The following NIBAN1 variants were observed in gnomAD, a reference collection of about 807,000 sequenced individuals.
The protein encoded by NIBAN1 is niban apoptosis regulator 1.
Under a neutral mutation model 75.1 loss-of-function variants are expected in NIBAN1, and 81 were observed. The ratio of observed to expected loss-of-function variants is 1.08; its 90% CI spans 0.90 to 1.30. The LOEUF (loss-of-function observed/expected upper bound fraction) is 1.30. NIBAN1 is among the 50% of genes most tolerant of loss of function. NIBAN1 has a pLI of 0.00. For synonymous variants in NIBAN1, 436 were observed against 424.8 expected (o/e 1.03, Z -0.32); for missense variants, 1,133 against 1,128.1 (o/e 1.00, Z -0.06).
intron 11 of NIBAN1, among the ~76,000 whole-genome samples, chr1:184,805,469 C>T (rs1274862993): frequency 6.6e-6 from 1 of 152,198 alleles, no homozygotes; most frequent in Non-Finnish European, 1.5e-5. Context: ...TTAATAAACA[C>T]TCTGAAGTAC....
rs971176668 is a variant in NIBAN1 at position 184,859,203 on chromosome 1, AAT to A, written c.601+25428_601+25429del. On this transcript the variant is annotated intron_variant, in intron 5 of 13. Coordinates refer to ENST00000367511, the MANE Select transcript of NIBAN1 (RefSeq NM_052966.4). ...ATGTGCGGTTTTAAATAAATAAATA[AAT>A]ATATATATATGAGGTTTTAAAATAA... Among the ~76,000 whole-genome samples, 4 of 151,794 alleles carry A rather than the reference AAT, an allele frequency of 2.6e-5. No homozygotes were observed. In the South Asian group the frequency reaches 6.2e-4, roughly 24 times the overall value.
chr1:184,797,383 C>A (rs1183332082), intron 13 of NIBAN1, among the ~76,000 whole-genome samples: 3 of 151,992 alleles, frequency 2.0e-5, no homozygotes, highest in Non-Finnish European at 4.4e-5. Context: ...CTCAAGTGAT[C>A]TGCCCATCTT....
rs918290151 is a variant in NIBAN1 at position 184,801,634 on chromosome 1, T to A, written c.1554+1951A>T. Among the ~76,000 whole-genome samples the A allele has an allele frequency of 2.0e-5, 3 of 152,206 alleles. 1 individual carries two copies. The highest frequency in any genetic ancestry group is 7.2e-5 in the African/African-American group (3 of 41,452). ...CAGAGTTTGGCACTTTCCTTGGAAC[T>A]CTTCCCCATGAGGCAACTGCTGTGT... On this transcript the variant is annotated intron_variant, in intron 12 of 13. Coordinates refer to ENST00000367511, the MANE Select transcript of NIBAN1 (RefSeq NM_052966.4).
intron 1 of NIBAN1, among the ~76,000 whole-genome samples, chr1:184,906,321 A>AT (rs1657103216): frequency 2.0e-5 from 3 of 151,834 alleles, no homozygotes; most frequent in African/African-American, 7.3e-5. Context: ...AATTCAATTC[A>AT]TATCTGTTTA....
chr1:184,880,680 A>G (rs1656355004), intron 5 of NIBAN1, among the ~76,000 whole-genome samples: 1 of 152,224 alleles, frequency 6.6e-6, no homozygotes, highest in African/African-American at 2.4e-5. Context: ...ATCGATAATG[A>G]TCATTATTCC....
At chr1:184,966,352 G>T (rs977642679) in intron 1 of NIBAN1, among the ~76,000 whole-genome samples, 3 of 152,168 alleles carry the variant, frequency 2.0e-5, no homozygotes, top group Non-Finnish European at 4.4e-5. Context: ...CTATTGGAGA[G>T]GTCATGTAGA....
Position 184,795,474 on chromosome 1 carries a change from C to T in NIBAN1, c.2290G>A (p.Glu764Lys). The change falls in exon 14 of 14, where the codon GAA (glutamate) becomes AAA (lysine). Residue 764 changes from glutamate (E) to lysine (K), a missense_variant. Transcript: ENST00000367511. ...QAAAIHPDNC[E>K]ESEVSEREAQ... is the part of the protein sequence containing the mutation. ...TCCCTCTCGCTGACTTCACTTTCTTCACAGTTGTCGGGGTGGATGGCAGCT... is the reference window on the plus strand; with the variant it reads ...TCCCTCTCGCTGACTTCACTTTCTTTACAGTTGTCGGGGTGGATGGCAGCT... 1.2e-6 allele frequency: 2 copies of T among 1,611,394 alleles called. No homozygotes were observed. The highest frequency in any genetic ancestry group is 1.7e-6 in the Non-Finnish European group (2 of 1,178,926).
chr1:184,797,543 C>G (rs553192774), intron 13 of NIBAN1, among the ~76,000 whole-genome samples: 6 of 151,752 alleles, frequency 4.0e-5, no homozygotes, highest in African/African-American at 1.5e-4. Context: ...CCGAGACTTG[C>G]GTGGCACTGC....
At chr1:184,920,526 C>T (rs1161014373) in intron 1 of NIBAN1, among the ~76,000 whole-genome samples, 1 of 152,170 alleles carries the variant, frequency 6.6e-6, no homozygotes, top group Non-Finnish European at 1.5e-5. Context: ...TAACCAACCT[C>T]TCCCTATTCC....
chr1:184,947,054 C>T lies in NIBAN1; in HGVS notation c.55+27248G>A, dbSNP rs1324372864. ...CGCCATTGCACTCCAGCCTGGGCAA[C>T]AAGAGCAAAACTCCATCTCAAAAAG... On this transcript the variant is annotated intron_variant, in intron 1 of 13. Coordinates refer to ENST00000367511, the MANE Select transcript of NIBAN1 (RefSeq NM_052966.4). Among the ~76,000 whole-genome samples, 3 of 101,258 alleles carry T rather than the reference C, an allele frequency of 3.0e-5. No individual in the cohort carries two copies. The East Asian group carries it at 8.5e-4, about 29-fold the overall frequency. The allele number at this position is 101,258 out of a possible 152,430, so 66.4% of individuals were successfully genotyped here.
chr1:184,916,261 G>A (rs1017323117), intron 1 of NIBAN1, among the ~76,000 whole-genome samples: 3 of 152,098 alleles, frequency 2.0e-5, no homozygotes, highest in Non-Finnish European at 2.9e-5. Flanking sequence ...CAGAGATATC[G>A]ATGTAGGGGA....
At chr1:184,836,787 G>A (rs1367237677) in intron 5 of NIBAN1, among the ~76,000 whole-genome samples, 2 of 152,166 alleles carry the variant, frequency 1.3e-5, no homozygotes, top group African/African-American at 4.8e-5. Context: ...ACTTAAACTA[G>A]ATTTTAAATA....
chr1:184,877,414 C>T (rs558656531), intron 5 of NIBAN1, among the ~76,000 whole-genome samples: 1 of 151,920 alleles, frequency 6.6e-6, no homozygotes, highest in East Asian at 1.9e-4. Flanking sequence ...TCAGAGGTAA[C>T]GATAACGTTC....
Position 184,857,862 on chromosome 1 carries a change from A to T in NIBAN1, c.602-25900T>A, listed in dbSNP as rs541706222. Among the ~76,000 whole-genome samples, 4 of 152,236 alleles carry T rather than the reference A, an allele frequency of 2.6e-5. No homozygotes were observed. The East Asian group carries it at 7.7e-4, about 29-fold the overall frequency. On this transcript the variant is annotated intron_variant, in intron 5 of 13. Transcript: ENST00000367511. ...AACTGATTTTCCATTTAAAGGGAAAATGTTAGACCACTCATATACATCATA... is the reference window on the plus strand; with the variant it reads ...AACTGATTTTCCATTTAAAGGGAAATTGTTAGACCACTCATATACATCATA...
At chr1:184,884,994 C>T (rs1335813223) in intron 4 of NIBAN1, among the ~76,000 whole-genome samples, 194 bp from the exon 5 acceptor site, 4 of 152,186 alleles carry the variant, frequency 2.6e-5, no homozygotes, top group Non-Finnish European at 5.9e-5. Flanking sequence ...TGTCCCACTG[C>T]GGTCTGCCTG....
intron 5 of NIBAN1, among the ~76,000 whole-genome samples, chr1:184,869,511 A>G (rs890961177): frequency 2.0e-5 from 3 of 151,478 alleles, no homozygotes; most frequent in Non-Finnish European, 4.4e-5. Context: ...TGCTAAGCAC[A>G]TTGTGACCAT....
chr1:184,923,589 A>G (rs1165258970), intron 1 of NIBAN1, among the ~76,000 whole-genome samples: 1 of 152,074 alleles, frequency 6.6e-6, no homozygotes, highest in Non-Finnish European at 1.5e-5. Context: ...TGTCTTTTCT[A>G]TTTCTGTGAA....
At chr1:184,930,997 C>CTTTTTTTT (rs200932673) in intron 1 of NIBAN1, among the ~76,000 whole-genome samples, 6 of 114,552 alleles carry the variant, frequency 5.2e-5, no homozygotes, top group Admixed American at 8.1e-5. Flanking sequence ...TTTTCTTCTT[C>CTTTTTTTT]TTTTTTTTTT....
At chr1:184,920,932 G>A (rs1036813282) in intron 1 of NIBAN1, among the ~76,000 whole-genome samples, 9 of 152,038 alleles carry the variant, frequency 5.9e-5, no homozygotes, top group Admixed American at 2.0e-4. Context: ...TCAGGAGTTC[G>A]AGACCTGACC....
Sources: allele counts gnomAD v4.1 joint callset (sites outside exome capture counted in the v4.1 genomes callset), GRCh38; gene constraint gnomAD v4.1.1; transcripts MANE v1.5; gene names NCBI Gene and HGNC (gene_info 2026-07-23, HGNC 2026-07-21).